The following SLC39A8 variants were observed in gnomAD, a reference collection of about 807,000 sequenced individuals.
SLC39A8 encodes the protein metal cation symporter ZIP8.
In SLC39A8, 15 loss-of-function variants were observed where a neutral mutation model predicts 40.4. That is an observed-to-expected ratio of 0.37 (90% CI 0.25 to 0.57). SLC39A8 has a LOEUF of 0.57. Ranked by LOEUF, SLC39A8 falls within the 20% of genes least tolerant of loss-of-function variation. The pLI, the probability that SLC39A8 is intolerant of heterozygous loss-of-function variation, is 0.75. For synonymous variants in SLC39A8, 223 were observed against 221.6 expected (o/e 1.01, Z -0.06); for missense variants, 472 against 558.8 (o/e 0.84, Z 1.57).
At chr4:102,311,347 T>G (rs1213963773) in intron 3 of SLC39A8, among the ~76,000 whole-genome samples, 2 of 152,116 alleles carry the variant, frequency 1.3e-5, no homozygotes, top group Non-Finnish European at 2.9e-5. Context: ...AAAAAATTAG[T>G]AAGTAGACCA....
chr4:102,273,495 G>A (rs541527499), intron 6 of SLC39A8, among the ~76,000 whole-genome samples: 8 of 152,306 alleles, frequency 5.3e-5, no homozygotes, highest in East Asian at 1.9e-4. Context: ...GTGCACCCAC[G>A]GGAAGGGGTA....
intron 6 of SLC39A8, 107 bp downstream of exon 6, chr4:102,304,210 G>T: frequency 1.3e-6 from 1 of 776,106 alleles, no homozygotes. Flanking sequence ...ATAGGAATAA[G>T]TCTGACATAC....
chr4:102,343,563 G>A (rs764845245), intron 2 of SLC39A8, among the ~76,000 whole-genome samples: 1 of 152,186 alleles, frequency 6.6e-6, no homozygotes, highest in Non-Finnish European at 1.5e-5. Flanking sequence ...AGTTAACTGA[G>A]TTTTAAAAGA....
chr4:102,292,290 CATAACATT>C (rs1733481114), intron 6 of SLC39A8, among the ~76,000 whole-genome samples: 2 of 152,020 alleles, frequency 1.3e-5, no homozygotes, highest in African/African-American at 4.8e-5. Flanking sequence ...TATATTAAAA[CATAACATT>C]ATACCCTATA....
At chr4:102,270,209 C>A (rs985957492) in intron 6 of SLC39A8, among the ~76,000 whole-genome samples, 1 of 120,348 alleles carries the variant, frequency 8.3e-6, no homozygotes, top group Non-Finnish European at 1.9e-5. Context: ...GTCTTGACTA[C>A]CTGATATCAC....
At chr4:102,277,904 A>G (rs944282072) in intron 6 of SLC39A8, among the ~76,000 whole-genome samples, 4 of 152,220 alleles carry the variant, frequency 2.6e-5, no homozygotes, top group Non-Finnish European at 4.4e-5. Flanking sequence ...CCTATTTAAT[A>G]AATGGTTTTG....
intron 2 of SLC39A8, among the ~76,000 whole-genome samples, chr4:102,321,509 G>T (rs956458553): frequency 2.6e-5 from 4 of 152,224 alleles, no homozygotes; most frequent in Non-Finnish European, 5.9e-5. Context: ...CGCTAGCTTT[G>T]CTGAGAGGTC....
At chr4:102,256,665 C>A (rs1731716718) in intron 11 of SLC39A8, among the ~76,000 whole-genome samples, 1 of 152,160 alleles carries the variant, frequency 6.6e-6, no homozygotes, top group South Asian at 2.1e-4. Context: ...TTTCTCCTTG[C>A]TTTCAGTGAG....
chr4:102,341,527 A>G (rs1735941331), intron 2 of SLC39A8, among the ~76,000 whole-genome samples: 1 of 152,170 alleles, frequency 6.6e-6, no homozygotes, highest in African/African-American at 2.4e-5. Flanking sequence ...CCCTCAATAG[A>G]TCAGACCTTT....
At chr4:102,306,882 GA>G (rs936309145) in intron 4 of SLC39A8, among the ~76,000 whole-genome samples, 47 of 151,288 alleles carry the variant, frequency 3.1e-4, no homozygotes, top group South Asian at 1.2e-3. Context: ...TTTTATCAAA[GA>G]AAAAAAATAA....
chr4:102,253,470 A>G, intron 11 of SLC39A8: 2 of 706,324 alleles, frequency 2.8e-6, no homozygotes, highest in South Asian at 3.1e-5. Context: ...AGTTTTAAGC[A>G]TGTGAGTTAC....
At position 102,344,597 on chromosome 4, in the gene SLC39A8, C is replaced by G. The variant is rs968075335; in HGVS notation, c.66G>C (p.Ala22=). The G allele has an allele frequency of 1.3e-6, 2 of 1,543,624 alleles. No individual in the cohort carries two copies. The highest frequency in any genetic ancestry group is 1.7e-6 in the Non-Finnish European group (2 of 1,144,776). ...CGCTGAAGGCTAGCCCTGGCCCCTC[C>G]GCCACTCCTCCGAGGCCGGCGGCCG... The part of the protein sequence containing the change: ...LLAAAGLGGV[A]EGPGLAFSED... Residue 22 remains alanine, a synonymous_variant, in exon 2 of 9, where the codon GCG becomes GCC. Transcript: ENST00000356736.
intron 6 of SLC39A8, among the ~76,000 whole-genome samples, chr4:102,276,248 TAAA>T (rs761462448): frequency 6.6e-6 from 1 of 151,708 alleles, no homozygotes. Flanking sequence ...GCCAGACTAA[TAAA>T]GAAGAAAAGA....
At chr4:102,257,298 C>T (rs909352699), downstream of SLC39A8, among the ~76,000 whole-genome samples, 3 of 151,836 alleles carry the variant, frequency 2.0e-5, no homozygotes, top group African/African-American at 7.2e-5. Flanking sequence ...TTACAGGTGT[C>T]CGCCACCACC....
At chr4:102,310,214 G>C (rs1354324122) in intron 3 of SLC39A8, among the ~76,000 whole-genome samples, 1 of 152,014 alleles carries the variant, frequency 6.6e-6, no homozygotes, top group Non-Finnish European at 1.5e-5. Context: ...GCCTAAGAAA[G>C]TCATACGTGG....
chr4:102,303,524 C>T (rs1246830589), intron 6 of SLC39A8, among the ~76,000 whole-genome samples: 1 of 151,852 alleles, frequency 6.6e-6, no homozygotes, highest in African/African-American at 2.4e-5. Context: ...ATGTATCCCA[C>T]TTATGGAAAA....
intron 2 of SLC39A8, among the ~76,000 whole-genome samples, chr4:102,331,695 C>T (rs78488355): frequency 6.6e-6 from 1 of 152,152 alleles, no homozygotes; most frequent in East Asian, 1.9e-4. Flanking sequence ...CAAACAAGAG[C>T]CCATAAAGCC....
chr4:102,287,116 AC>A (rs1464386351), intron 6 of SLC39A8, among the ~76,000 whole-genome samples: 1 of 152,060 alleles, frequency 6.6e-6, no homozygotes, highest in Non-Finnish European at 1.5e-5. Context: ...CTAAAAAGCT[AC>A]CCCAGTGCCC....
chr4:102,275,444 T>C (rs1271799829), intron 6 of SLC39A8, among the ~76,000 whole-genome samples: 4 of 152,118 alleles, frequency 2.6e-5, no homozygotes, highest in East Asian at 1.9e-4. Context: ...ATACTAAATA[T>C]ATATATGCAC....
Sources: gnomAD v4.1 joint callset for allele counts (sites outside exome capture counted in the v4.1 genomes callset) on GRCh38, gnomAD v4.1.1 for gene constraint, MANE v1.5 for transcripts, NCBI Gene and HGNC (gene_info 2026-07-23, HGNC 2026-07-21) for gene names.